C9orf85: variants seen among roughly 807,000 people sequenced by gnomAD.
C9orf85 encodes the protein uncharacterized protein C9orf85.
Under a neutral mutation model 14.9 loss-of-function variants are expected in C9orf85, and 16 were observed. The ratio of observed to expected loss-of-function variants is 1.08; its 90% CI spans 0.73 to 1.63. The LOEUF is 1.63. Ranked by LOEUF, C9orf85 falls within the 40% of genes most tolerant of loss-of-function variation. C9orf85 has a pLI of 0.00. For missense variants in C9orf85, 172 were observed against 186.1 expected, an observed-to-expected ratio of 0.92 and a Z score of 0.44; for synonymous variants, 45 against 56.8, an observed-to-expected ratio of 0.79 and a Z score of 0.93.
At chr9:71,936,249 C>T (rs561764404) in intron 1 of C9orf85, among the ~76,000 whole-genome samples, 7 of 152,152 alleles carry the variant, frequency 4.6e-5, no homozygotes, top group African/African-American at 1.4e-4. Flanking sequence ...TGAGTTAGCA[C>T]TAGGGACATA....
intron 2 of C9orf85, among the ~76,000 whole-genome samples, chr9:71,963,864 C>T (rs1319209538): frequency 6.6e-6 from 1 of 152,182 alleles, no homozygotes; most frequent in Non-Finnish European, 1.5e-5. Flanking sequence ...CCCCTACCAG[C>T]GCCACCCCCT....
intron 1 of C9orf85, among the ~76,000 whole-genome samples, chr9:71,916,715 C>G (rs1001772980): frequency 6.6e-6 from 1 of 152,100 alleles, no homozygotes; most frequent in African/African-American, 2.4e-5. Context: ...TTCTGGATTT[C>G]AGATTTTTTC....
At chr9:71,931,391 G>A (rs541392459) in intron 1 of C9orf85, among the ~76,000 whole-genome samples, 1 of 152,254 alleles carries the variant, frequency 6.6e-6, no homozygotes, top group Non-Finnish European at 1.5e-5. Flanking sequence ...ACTAAACAGT[G>A]TTTAGTCTGT....
At chr9:71,912,315 A>C (rs1388903658) in intron 1 of C9orf85, among the ~76,000 whole-genome samples, 1 of 152,176 alleles carries the variant, frequency 6.6e-6, no homozygotes, top group African/African-American at 2.4e-5. Context: ...GTTTTGTAAC[A>C]ATTGTTTTGA....
intron 1 of C9orf85, among the ~76,000 whole-genome samples, chr9:71,920,177 GATATA>G (rs1418225717): frequency 6.6e-5 from 10 of 152,212 alleles, no homozygotes; most frequent in African/African-American, 2.2e-4. Context: ...GTTGAGGCCT[GATATA>G]ATATAATTTT....
intron 1 of C9orf85, among the ~76,000 whole-genome samples, chr9:71,921,757 C>CT (rs1589245990): frequency 6.6e-6 from 1 of 151,722 alleles, no homozygotes; most frequent in South Asian, 2.1e-4. Flanking sequence ...ATAAACATTC[C>CT]TTTTTTTTAC....
chr9:71,954,849 A>G (rs1457396264), intron 2 of C9orf85, among the ~76,000 whole-genome samples: 1 of 152,138 alleles, frequency 6.6e-6, no homozygotes, highest in East Asian at 1.9e-4. Flanking sequence ...CCCAGCTCCT[A>G]TTCAAGATGG....
At chr9:71,982,699 G>A (rs1374262072) in exon 4 of C9orf85, 2 of 361,652 alleles carry the variant, frequency 5.5e-6, no homozygotes, top group Non-Finnish European at 1.0e-5. Flanking sequence ...GCAGTGGCAG[G>A]ATCTTGGCTC....
At position 71,911,746 on chromosome 9, in the gene C9orf85, G is replaced by A. The variant is rs546890458; in HGVS notation, c.12G>A (p.Gln4=). 33 of 1,614,152 alleles carry A rather than the reference G, an allele frequency of 2.0e-5. No homozygotes were observed. The East Asian group carries it at 6.9e-4, about 34-fold the overall frequency. MSS[Q]KGNVARSRPQ... Reference sequence around the variant, plus strand: ...CTTTGATTTCGGCGATGAGCTCCCAGAAAGGCAACGTGGCTCGTTCCAGAC... The same window carrying A: ...CTTTGATTTCGGCGATGAGCTCCCAAAAAGGCAACGTGGCTCGTTCCAGAC... The change falls in exon 1 of 4, where the codon CAG becomes CAA. Residue 4 remains glutamine (Q), a synonymous_variant. Coordinates refer to ENST00000334731, the MANE Select transcript of C9orf85 (RefSeq NM_182505.5).
chr9:71,963,069 G>A (rs1360895250), intron 2 of C9orf85, among the ~76,000 whole-genome samples: 3 of 151,982 alleles, frequency 2.0e-5, no homozygotes, highest in African/African-American at 4.8e-5. Context: ...CAAAAAAAAA[G>A]GTTGTGTTAC....
At chr9:71,924,205 A>G (rs1227099068) in intron 1 of C9orf85, among the ~76,000 whole-genome samples, 2 of 152,154 alleles carry the variant, frequency 1.3e-5, no homozygotes, top group Non-Finnish European at 2.9e-5. Flanking sequence ...AGACTTTCCC[A>G]TAGCTTTGGA....
chr9:71,960,568 T>C (rs1822486400), intron 2 of C9orf85, among the ~76,000 whole-genome samples: 1 of 152,188 alleles, frequency 6.6e-6, no homozygotes, highest in Admixed American at 6.5e-5. Flanking sequence ...TTTACAGGTC[T>C]TTTTTGTCTG....
chr9:71,971,902 G>T (rs1822880595), intron 3 of C9orf85, among the ~76,000 whole-genome samples: 2 of 151,224 alleles, frequency 1.3e-5, no homozygotes, highest in African/African-American at 4.9e-5. Flanking sequence ...TGAACTTGGG[G>T]GGCAGAGGTT....
intron 2 of C9orf85, among the ~76,000 whole-genome samples, chr9:71,961,139 G>T (rs556429382): frequency 1.3e-5 from 2 of 151,766 alleles, no homozygotes; most frequent in Admixed American, 1.3e-4. Context: ...CTCAAACTCC[G>T]GACCTCAGGT....
intron 3 of C9orf85, among the ~76,000 whole-genome samples, chr9:71,971,975 C>CAA (rs1280978130): frequency 1.5e-3 from 80 of 52,666 alleles, no homozygotes; most frequent in East Asian, 5.0e-3. Context: ...GACTCCATCT[C>CAA]AAAAAAAAAA....
chr9:71,968,101 T>TATATAG (rs1554709461), intron 2 of C9orf85, among the ~76,000 whole-genome samples: 222 of 146,810 alleles, frequency 1.5e-3, no homozygotes, highest in African/African-American at 5.2e-3. Context: ...TATATATATA[T>TATATAG]AGAGAGAGAG....
intron 1 of C9orf85, among the ~76,000 whole-genome samples, chr9:71,932,406 T>C (rs1233439745): frequency 1.3e-5 from 2 of 152,196 alleles, no homozygotes; most frequent in African/African-American, 4.8e-5. Flanking sequence ...TCCTGAGTTA[T>C]AAAACCACAA....
rs534782708 is a variant in C9orf85, at chr9:71,960,483, G to A, written c.210-11022G>A. On this transcript the variant is annotated intron_variant, in intron 2 of 3. Coordinates refer to ENST00000334731, the MANE Select transcript of C9orf85 (RefSeq NM_182505.5). Reference sequence around the variant, plus strand: ...AAACTAAACTTGGAAAGTTGGCTTAGGGTCTGGATTTCTAGTTTTTAAAAA... The same window carrying A: ...AAACTAAACTTGGAAAGTTGGCTTAAGGTCTGGATTTCTAGTTTTTAAAAA... Among the ~76,000 whole-genome samples the A allele has an allele frequency of 9.8e-5, 15 of 152,290 alleles. 1 individual carries two copies. In the South Asian group the frequency reaches 2.7e-3, roughly 27 times the overall value.
intron 1 of C9orf85, among the ~76,000 whole-genome samples, chr9:71,919,132 A>T (rs1227527007): frequency 2.0e-5 from 3 of 152,180 alleles, no homozygotes; most frequent in African/African-American, 7.2e-5. Flanking sequence ...GACACTGTAA[A>T]ATGAATGAAT....
Sources: allele counts gnomAD v4.1 joint callset (sites outside exome capture counted in the v4.1 genomes callset), GRCh38; gene constraint gnomAD v4.1.1; transcripts MANE v1.5; gene names NCBI Gene and HGNC (gene_info 2026-07-23, HGNC 2026-07-21).